Variants in CLVS1 observed in about 807,000 individuals in gnomAD.
CLVS1 encodes the protein clavesin-1.
In CLVS1, 10 loss-of-function variants were observed where a neutral mutation model predicts 33.1. The observed-to-expected ratio is 0.30, with a 90% CI of 0.19 to 0.51. CLVS1 has a LOEUF of 0.51. Ranked by LOEUF, CLVS1 falls within the 20% of genes least tolerant of loss-of-function variation. CLVS1 has a pLI of 0.97. For synonymous variants in CLVS1, 163 were observed against 166.1 expected, an observed-to-expected ratio of 0.98 and a Z score of 0.14; for missense variants, 343 against 433.4, an observed-to-expected ratio of 0.79 and a Z score of 1.85.
chr8:61,480,598 A>G (rs1409134726), intron 5 of CLVS1, among the ~76,000 whole-genome samples: 2 of 152,006 alleles, frequency 1.3e-5, no homozygotes, highest in Non-Finnish European at 2.9e-5. Context: ...TCCTGCACCC[A>G]CTGTCCGGCA....
chr8:61,092,386 T>A (rs572624847), intron 1 of CLVS1, among the ~76,000 whole-genome samples: 1 of 152,266 alleles, frequency 6.6e-6, no homozygotes, highest in South Asian at 2.1e-4. Flanking sequence ...TGAAGCCTCA[T>A]AGGAAGAGGT....
intron 2 of CLVS1, among the ~76,000 whole-genome samples, chr8:61,281,926 A>G (rs143922006): frequency 1.3e-5 from 2 of 152,352 alleles, no homozygotes; most frequent in African/African-American, 4.8e-5. Flanking sequence ...AGATCTTCAT[A>G]TAGCAACAAA....
chr8:61,211,543 C>G (rs1807971173), intron 2 of CLVS1, among the ~76,000 whole-genome samples: 4 of 152,110 alleles, frequency 2.6e-5, no homozygotes, highest in Admixed American at 2.0e-4. Context: ...GGAAAAGATC[C>G]ACTGGAGGGC....
intron 2 of CLVS1, among the ~76,000 whole-genome samples, chr8:61,164,763 G>A (rs915892921): frequency 6.6e-6 from 1 of 152,088 alleles, no homozygotes; most frequent in African/African-American, 2.4e-5. Context: ...TCTGTATGGG[G>A]GAGCTGTTTT....
intron 2 of CLVS1, among the ~76,000 whole-genome samples, chr8:61,225,125 C>T (rs890078267): frequency 2.6e-5 from 4 of 151,902 alleles, no homozygotes; most frequent in Non-Finnish European, 4.4e-5. Context: ...GAGACCAGCC[C>T]GACCAACATG....
intron 1 of CLVS1, among the ~76,000 whole-genome samples, chr8:61,101,449 A>G (rs898048209): frequency 2.0e-5 from 3 of 152,126 alleles, no homozygotes; most frequent in Admixed American, 2.0e-4. Context: ...TTCCTTGCTC[A>G]TTTAAAAAAA....
chr8:61,357,193 A>G (rs1812746197), intron 2 of CLVS1, among the ~76,000 whole-genome samples: 1 of 152,146 alleles, frequency 6.6e-6, no homozygotes, highest in African/African-American at 2.4e-5. Flanking sequence ...ATGGGAGTTC[A>G]CTCATGAAGT....
At chr8:61,129,092 C>T (rs1459165026) in intron 1 of CLVS1, among the ~76,000 whole-genome samples, 4 of 152,208 alleles carry the variant, frequency 2.6e-5, no homozygotes, top group Non-Finnish European at 4.4e-5. Context: ...TTCCTTAGAA[C>T]ATCAACCCTC....
intron 2 of CLVS1, among the ~76,000 whole-genome samples, chr8:61,221,827 G>A (rs1808225224): frequency 6.6e-6 from 1 of 152,112 alleles, no homozygotes; most frequent in South Asian, 2.1e-4. Context: ...GATTTTTTTG[G>A]TTGGTAGGTT....
chr8:61,093,685 C>G (rs541975328), intron 1 of CLVS1, among the ~76,000 whole-genome samples: 32 of 152,212 alleles, frequency 2.1e-4, no homozygotes, highest in Admixed American at 2.0e-3. Flanking sequence ...AGCTGATCTT[C>G]GTTGACTTTT....
At chr8:60,991,721 C>T in the CLVS1 span, among the ~76,000 whole-genome samples, 2 of 149,526 alleles carry the variant, frequency 1.3e-5, no homozygotes, top group African/African-American at 4.9e-5. Context: ...CTCTTTCACC[C>T]TTTGGCCTGA....
At chr8:61,443,800 G>T (rs1326798649) in intron 3 of CLVS1, among the ~76,000 whole-genome samples, 1 of 151,990 alleles carries the variant, frequency 6.6e-6, no homozygotes, top group Non-Finnish European at 1.5e-5. Flanking sequence ...GATTTTGATG[G>T]ATGTTGCATT....
chr8:61,193,577 C>A (rs1233234316), intron 2 of CLVS1, among the ~76,000 whole-genome samples: 1 of 151,720 alleles, frequency 6.6e-6, no homozygotes, highest in Non-Finnish European at 1.5e-5. Context: ...GTCTTAACAA[C>A]AAAAGTCAGA....
chr8:61,181,690 A>G (rs184362317), intron 2 of CLVS1, among the ~76,000 whole-genome samples: 2,304 of 125,150 alleles, frequency 0.018, 28 homozygotes, highest in African/African-American at 0.026. Flanking sequence ...ATCTACAACC[A>G]TCTGATCTTT....
intron 2 of CLVS1, among the ~76,000 whole-genome samples, chr8:61,189,373 G>A (rs1241615779): frequency 2.0e-5 from 3 of 152,178 alleles, no homozygotes; most frequent in Non-Finnish European, 4.4e-5. Context: ...CCTGAAGGAA[G>A]CACTAAACAT....
At chr8:61,443,163 C>T (rs540626963) in intron 3 of CLVS1, among the ~76,000 whole-genome samples, 4 of 152,220 alleles carry the variant, frequency 2.6e-5, no homozygotes, top group South Asian at 2.1e-4. Flanking sequence ...TTTGCAAATA[C>T]GTTATCTCAG....
chr8:61,405,945 C>A (rs1472232150), intron 3 of CLVS1, among the ~76,000 whole-genome samples: 6 of 152,146 alleles, frequency 3.9e-5, no homozygotes, highest in Non-Finnish European at 8.8e-5. Context: ...ATAGAAATTT[C>A]TTTGCATATA....
intron 1 of CLVS1, among the ~76,000 whole-genome samples, chr8:61,101,130 G>A (rs1015167513): frequency 3.9e-5 from 6 of 152,130 alleles, no homozygotes; most frequent in East Asian, 1.9e-4. Flanking sequence ...ATGACCATAC[G>A]TTTAAATATA....
intron 2 of CLVS1, among the ~76,000 whole-genome samples, chr8:61,189,613 G>A (rs1248321711): frequency 2.0e-5 from 3 of 152,150 alleles, no homozygotes; most frequent in African/African-American, 4.8e-5. Flanking sequence ...TCAGTGTGCT[G>A]TATTCAGGAG....
Sources: allele counts gnomAD v4.1 joint callset (sites outside exome capture counted in the v4.1 genomes callset), GRCh38; gene constraint gnomAD v4.1.1; transcripts MANE v1.5; gene names NCBI Gene and HGNC (gene_info 2026-07-23, HGNC 2026-07-21).